GALNT10: variants seen among roughly 807,000 people sequenced by gnomAD.
GALNT10 encodes the protein GalNAc transferase 10.
GALNT10 carries 41 observed loss-of-function variants against 75.0 expected under a neutral mutation model. The observed-to-expected ratio is 0.55, with a 90% CI of 0.43 to 0.71. The LOEUF (loss-of-function observed/expected upper bound fraction) is 0.71. Ranked by LOEUF, GALNT10 falls within the 30% of genes least tolerant of loss-of-function variation. The pLI, the probability that GALNT10 is intolerant of heterozygous loss-of-function variation, is 0.00. For synonymous variants in GALNT10, 302 were observed against 313.0 expected (o/e 0.96, Z 0.37); for missense variants, 727 against 818.5 (o/e 0.89, Z 1.36).
chr5:154,351,715 C>G (rs1245628501), intron 4 of GALNT10, among the ~76,000 whole-genome samples: 1 of 152,166 alleles, frequency 6.6e-6, no homozygotes, highest in Non-Finnish European at 1.5e-5. Flanking sequence ...CTTTGGGTAC[C>G]TTACCTGATC....
In GALNT10 at chr5:154,356,775, G is replaced by A. The variant is rs75599852; in HGVS notation, c.569-19502G>A. Among the ~76,000 whole-genome samples the A allele has an allele frequency of 9.3e-3, 1,412 of 152,282 alleles. 28 individuals carry two copies. Among genetic ancestry groups the A allele is most frequent in the African/African-American group, 0.033 (1,373 of 41,562 alleles). On this transcript the variant is annotated intron_variant, in intron 4 of 11. Coordinates refer to ENST00000297107, the MANE Select transcript of GALNT10 (RefSeq NM_198321.4). Reference sequence around the variant, plus strand: ...GTCCCTCATTAGGGAGGAAGGGCCAGCAGAGCTGGGCCCAGATAAAGAGGG... The same window carrying A: ...GTCCCTCATTAGGGAGGAAGGGCCAACAGAGCTGGGCCCAGATAAAGAGGG...
intron 4 of GALNT10, among the ~76,000 whole-genome samples, chr5:154,353,516 G>T (rs772438380): frequency 2.0e-5 from 3 of 152,180 alleles, no homozygotes; most frequent in African/African-American, 7.2e-5. Flanking sequence ...TCCCTCAGGC[G>T]CATTGGGTGG....
At chr5:154,265,818 C>T (rs760306052) in intron 1 of GALNT10, among the ~76,000 whole-genome samples, 4 of 152,076 alleles carry the variant, frequency 2.6e-5, no homozygotes, top group African/African-American at 4.8e-5. Flanking sequence ...TTACCCAGCT[C>T]CCAGATGGCC....
Position 154,352,152 on chromosome 5 carries a change from T to C in GALNT10, c.568+22414T>C, listed in dbSNP as rs769107031. ...TTACCAGATACCTGAGTTTCTAGCA[T>C]TGGCCATTCCTGGCCTGACTCTGCA... On this transcript the variant is annotated intron_variant, in intron 4 of 11. Transcript: ENST00000297107. This position sits in a 1 kb window ranked among gnomAD's most constrained non-coding sequence, Gnocchi z 4.4. 2.6e-4 allele frequency among the ~76,000 whole-genome samples: 40 copies of C among 152,214 alleles called. No homozygotes were observed. Among genetic ancestry groups the C allele is most frequent in the African/African-American group, 6.0e-4 (25 of 41,456 alleles).
At chr5:154,401,979 C>T (rs1389327579) in intron 7 of GALNT10, among the ~76,000 whole-genome samples, 1 of 152,090 alleles carries the variant, frequency 6.6e-6, no homozygotes, top group Admixed American at 6.5e-5. Flanking sequence ...CAGCTGTGTC[C>T]CCCCATCGCC....
At chr5:154,367,172 T>A (rs1396719503) in intron 4 of GALNT10, among the ~76,000 whole-genome samples, 1 of 152,228 alleles carries the variant, frequency 6.6e-6, no homozygotes, top group Admixed American at 6.5e-5. Context: ...TACTTTTGTA[T>A]ATATTTGTTT....
At chr5:154,350,238 G>C (rs1357619108) in intron 4 of GALNT10, among the ~76,000 whole-genome samples, 3 of 152,188 alleles carry the variant, frequency 2.0e-5, no homozygotes, top group African/African-American at 7.2e-5. Flanking sequence ...CTGAGAATGG[G>C]GTAGGGGCCA....
chr5:154,238,284 A>C (rs1753278606), intron 1 of GALNT10, among the ~76,000 whole-genome samples: 1 of 131,726 alleles, frequency 7.6e-6, no homozygotes, highest in South Asian at 2.5e-4. Context: ...TCAACCATAA[A>C]GTTTTAAATG....
chr5:154,402,511 A>C lies in GALNT10; in HGVS notation c.1057-1593A>C, dbSNP rs899283320. On this transcript the variant is annotated intron_variant, in intron 7 of 11. Transcript: ENST00000297107. This position sits in a 1 kb window ranked among gnomAD's most constrained non-coding sequence, Gnocchi z 4.2. ...CCTGAAACCATCTCCCATGTTAGTTACCTATGCCAGGAAAAATTACCCCCA... is the reference window on the plus strand; with the variant it reads ...CCTGAAACCATCTCCCATGTTAGTTCCCTATGCCAGGAAAAATTACCCCCA... Among the ~76,000 whole-genome samples the C allele has an allele frequency of 4.3e-4, 66 of 152,210 alleles. No homozygotes were observed. Among genetic ancestry groups the C allele is most frequent in the African/African-American group, 1.5e-3 (64 of 41,458 alleles).
At chr5:154,316,295 A>G (rs1408239674) in intron 3 of GALNT10, among the ~76,000 whole-genome samples, 1 of 152,152 alleles carries the variant, frequency 6.6e-6, no homozygotes, top group Non-Finnish European at 1.5e-5. Flanking sequence ...TTGTGTTGGG[A>G]CTAAACTGAG....
intron 1 of GALNT10, among the ~76,000 whole-genome samples, chr5:154,211,138 C>T (rs1331363117): frequency 6.6e-6 from 1 of 151,952 alleles, no homozygotes; most frequent in Non-Finnish European, 1.5e-5. Context: ...AAAGGGATGC[C>T]AGGAGGAGGA....
chr5:154,393,065 A>AAAAACAC (rs1561680914), intron 7 of GALNT10: 3 of 124,466 alleles, frequency 2.4e-5, no homozygotes, highest in African/African-American at 9.0e-5. Flanking sequence ...CACAAAAAAA[A>AAAAACAC]AAAAAAAAAA....
intron 4 of GALNT10, among the ~76,000 whole-genome samples, chr5:154,375,227 T>A (rs1255307155): frequency 3.3e-5 from 5 of 152,208 alleles, no homozygotes; most frequent in Admixed American, 3.3e-4. Flanking sequence ...GGAATTCTAG[T>A]ACAATATTGA....
intron 3 of GALNT10, among the ~76,000 whole-genome samples, chr5:154,321,146 C>T (rs1561660311): frequency 6.6e-6 from 1 of 152,070 alleles, no homozygotes; most frequent in Admixed American, 6.5e-5. Context: ...TCTATCTAAC[C>T]CTCTCTCCAC....
At chr5:154,391,927 G>A (rs1182569646) in intron 7 of GALNT10, among the ~76,000 whole-genome samples, 1 of 152,154 alleles carries the variant, frequency 6.6e-6, no homozygotes, top group Non-Finnish European at 1.5e-5. Flanking sequence ...TTGGCCTGCT[G>A]GCCCCATGCC....
chr5:154,366,627 T>C (rs1755478585), intron 4 of GALNT10, among the ~76,000 whole-genome samples: 1 of 152,102 alleles, frequency 6.6e-6, no homozygotes, highest in Non-Finnish European at 1.5e-5. Context: ...ATACACACCT[T>C]TTCCTGGCAA....
intron 1 of GALNT10, among the ~76,000 whole-genome samples, chr5:154,229,454 C>T (rs12519401): frequency 0.35 from 53,471 of 152,140 alleles, 11,560 homozygotes; most frequent in East Asian, 0.75. Flanking sequence ...TCCTGCCGGA[C>T]GTGGTGGCTC....
chr5:154,354,106 G>A (rs903503346), intron 4 of GALNT10, among the ~76,000 whole-genome samples: 5 of 152,274 alleles, frequency 3.3e-5, no homozygotes, highest in African/African-American at 4.8e-5. Flanking sequence ...GGGCTGGGAC[G>A]TGCTATAAGG....
At chr5:154,288,851 CT>C (rs1754150154) in intron 1 of GALNT10, among the ~76,000 whole-genome samples, 1 of 152,144 alleles carries the variant, frequency 6.6e-6, no homozygotes. Flanking sequence ...AGCAATGTTC[CT>C]GCCTTTTCTG....
Sources: allele counts gnomAD v4.1 joint callset (sites outside exome capture counted in the v4.1 genomes callset), GRCh38; gene constraint gnomAD v4.1.1; non-coding constraint Gnocchi (gnomAD v3.1); transcripts MANE v1.5; gene names NCBI Gene and HGNC (gene_info 2026-07-23, HGNC 2026-07-21).